The following WDFY1 variants were observed in gnomAD, a reference collection of about 807,000 sequenced individuals.
The protein encoded by WDFY1 is WD repeat and FYVE domain containing 1.
WDFY1 carries 32 observed loss-of-function variants against 56.4 expected under a neutral mutation model. That is an observed-to-expected ratio of 0.57 (90% CI 0.43 to 0.76). WDFY1 has a LOEUF of 0.76. Among genes scored for constraint, WDFY1 ranks in the 30% least tolerant of loss-of-function variants. The pLI, the probability that WDFY1 is intolerant of heterozygous loss-of-function variation, is 0.00. For missense variants in WDFY1, 480 were observed against 545.7 expected (o/e 0.88, Z 1.20); for synonymous variants, 192 against 197.3 (o/e 0.97, Z 0.23).
At chr2:223,926,506 T>C (rs1693981650) in intron 1 of WDFY1, among the ~76,000 whole-genome samples, 1 of 151,980 alleles carries the variant, frequency 6.6e-6, no homozygotes, top group Non-Finnish European at 1.5e-5. Context: ...ATGAGTGTTG[T>C]ATTAGCAGGC....
chr2:223,916,952 T>C (rs1358338733), intron 2 of WDFY1, among the ~76,000 whole-genome samples: 1 of 152,012 alleles, frequency 6.6e-6, no homozygotes, highest in Admixed American at 6.6e-5. Context: ...GTAGCTGGGA[T>C]TACAGGCATG....
intron 8 of WDFY1, among the ~76,000 whole-genome samples, chr2:223,885,866 G>T (rs1426305041): frequency 1.3e-5 from 2 of 152,110 alleles, no homozygotes; most frequent in Non-Finnish European, 2.9e-5. Context: ...CAGGCATCCT[G>T]CAGCTTCACT....
At chr2:223,897,390 A>ATATTTTT (rs1461451983) in intron 6 of WDFY1, among the ~76,000 whole-genome samples, 1 of 125,994 alleles carries the variant, frequency 7.9e-6, no homozygotes, top group Non-Finnish European at 1.6e-5. Context: ...ATATATATAT[A>ATATTTTT]TTTTTTAAGA....
chr2:223,926,278 C>G (rs992435295), intron 1 of WDFY1, among the ~76,000 whole-genome samples: 2 of 152,146 alleles, frequency 1.3e-5, no homozygotes, highest in Non-Finnish European at 2.9e-5. Flanking sequence ...TCCCCAGTAA[C>G]TGGGACTACA....
At chr2:223,927,782 G>C (rs560345281) in intron 1 of WDFY1, among the ~76,000 whole-genome samples, 1 of 152,176 alleles carries the variant, frequency 6.6e-6, no homozygotes, top group Non-Finnish European at 1.5e-5. Flanking sequence ...TCCTCACTAA[G>C]CTTAATCATT....
chr2:223,919,399 T>G (rs1182744874), intron 1 of WDFY1, among the ~76,000 whole-genome samples: 1 of 152,118 alleles, frequency 6.6e-6, no homozygotes, highest in Non-Finnish European at 1.5e-5. Flanking sequence ...TTAGTAGAGA[T>G]GGGGTTTCAT....
chr2:223,939,839 C>G (rs1412787821), intron 1 of WDFY1, among the ~76,000 whole-genome samples: 2 of 152,200 alleles, frequency 1.3e-5, no homozygotes, highest in African/African-American at 4.8e-5. Context: ...CCAAAAATGT[C>G]TCCAGATATT....
intron 1 of WDFY1, among the ~76,000 whole-genome samples, chr2:223,936,078 T>G (rs1215064370): frequency 4.1e-4 from 31 of 75,958 alleles, no homozygotes; most frequent in Admixed American, 5.2e-4. Context: ...TTTTTTTTTT[T>G]GGGGACAGAG....
rs57223015 is a variant in WDFY1 at position 223,942,527 on chromosome 2, C to CTTTTTTTTTT, written c.137+2611_137+2620dup. On this transcript the variant is annotated intron_variant, in intron 1 of 11. Transcript: ENST00000233055. ...GCCACTGCGCCTGGCCAAAGGCTAA[C>CTTTTTTTTTT]TTTTTTTTTTTTTTTTTTTGAGACG... 6.9e-4 allele frequency among the ~76,000 whole-genome samples: 51 copies of CTTTTTTTTTT among 74,232 alleles called. 2 individuals carry two copies. Among genetic ancestry groups the CTTTTTTTTTT allele is most frequent in the African/African-American group, 1.2e-3 (20 of 16,174 alleles). The allele number at this position is 74,232 out of a possible 152,430, so 48.7% of individuals were successfully genotyped here.
chr2:223,928,040 G>C (rs536469731), intron 1 of WDFY1, among the ~76,000 whole-genome samples: 2 of 152,134 alleles, frequency 1.3e-5, no homozygotes, highest in South Asian at 4.1e-4. Flanking sequence ...ATTTAAGTTT[G>C]CCATCTTATG....
chr2:223,917,109 C>T (rs1373133708), intron 2 of WDFY1, among the ~76,000 whole-genome samples: 2 of 151,978 alleles, frequency 1.3e-5, no homozygotes, highest in African/African-American at 2.4e-5. Context: ...CCACCAAGCC[C>T]GGCCTCCAGG....
In WDFY1 at chr2:223,877,764, T is replaced by C. The variant is rs1692994956; in HGVS notation, c.*907A>G. The stretch of plus-strand genomic sequence containing the variant: ...GCCAGAATATTGCAGAGGCTCATCT[T>C]GGAACAAGAAGTAGAATGCTGTTTC... On this transcript the variant is annotated 3_prime_UTR_variant, in exon 12 of 12. Coordinates refer to ENST00000233055, the MANE Select transcript of WDFY1 (RefSeq NM_020830.5). 1 of 152,660 alleles carries C rather than the reference T, an allele frequency of 6.6e-6. No homozygotes were observed. The highest frequency in any genetic ancestry group is 6.5e-5 in the Admixed American group (1 of 15,274). 9.5% of individuals were successfully genotyped at this position (152,660 alleles called of 1,614,324 possible).
At chr2:223,913,135 T>C (rs892095060) in intron 2 of WDFY1, among the ~76,000 whole-genome samples, 2 of 151,206 alleles carry the variant, frequency 1.3e-5, no homozygotes, top group South Asian at 4.2e-4. Context: ...ATCTCAGCAC[T>C]TTGGGAGGCC....
At chr2:223,930,942 T>C (rs1353047147) in intron 1 of WDFY1, among the ~76,000 whole-genome samples, 1 of 152,248 alleles carries the variant, frequency 6.6e-6, no homozygotes, top group Non-Finnish European at 1.5e-5. Flanking sequence ...CCAGAAGCAC[T>C]GCCTAGGTGA....
At position 223,877,130 on chromosome 2, in the gene WDFY1, C is replaced by CT. The variant is rs1032762875; in HGVS notation, c.*1540dup. On this transcript the variant is annotated 3_prime_UTR_variant, in exon 12 of 12. Transcript: ENST00000233055. Reference sequence around the variant, plus strand: ...TCCAGTACATGATGTGCGTGACCCCCTTTCCTTTCCTTACGTGTGTCACAC... The same window carrying CT: ...TCCAGTACATGATGTGCGTGACCCCCTTTTCCTTTCCTTACGTGTGTCACAC... The CT allele has an allele frequency of 6.6e-6, 1 of 152,152 alleles. No homozygotes were observed. The highest frequency in any genetic ancestry group is 2.4e-5 in the African/African-American group (1 of 41,428). 9.4% of individuals were successfully genotyped at this position (152,152 alleles called of 1,614,324 possible). A position where few individuals can be genotyped will look rare whatever the true frequency, so the allele number is the denominator to read the frequency against.
At chr2:223,921,084 AACTTTCTAGGGGAACATCAAGGCT>A (rs1693878031) in intron 1 of WDFY1, among the ~76,000 whole-genome samples, 1 of 152,176 alleles carries the variant, frequency 6.6e-6, no homozygotes, top group Admixed American at 6.5e-5. Flanking sequence ...GAAGAGAGAA[AACTTTCTAGGGGAACATCAAGGCT>A]CCGGGTGTTG....
At chr2:223,894,034 G>T (rs1559164782) in intron 8 of WDFY1, among the ~76,000 whole-genome samples, 200 bp downstream of exon 8, 1 of 152,198 alleles carries the variant, frequency 6.6e-6, no homozygotes, top group African/African-American at 2.4e-5. Context: ...GCATGTCATT[G>T]GTAGAAACTC....
At chr2:223,920,057 C>G (rs1693863468) in intron 1 of WDFY1, among the ~76,000 whole-genome samples, 1 of 152,154 alleles carries the variant, frequency 6.6e-6, no homozygotes, top group South Asian at 2.1e-4. Flanking sequence ...ACCTGAGTCC[C>G]CACGTCCTCA....
In WDFY1 at chr2:223,928,823, C is replaced by G. The variant is rs997970498; in HGVS notation, c.138-10813G>C. On this transcript the variant is annotated intron_variant, in intron 1 of 11. Coordinates refer to ENST00000233055, the MANE Select transcript of WDFY1 (RefSeq NM_020830.5). ...CTTCAAATGAACTTGTGCCTTGGGT[C>G]AGGCTTGGGATTCTGGAGCACCATC... 2.0e-5 allele frequency among the ~76,000 whole-genome samples: 3 copies of G among 152,342 alleles called. No homozygotes were observed. The East Asian group carries it at 5.8e-4, about 29-fold the overall frequency.
Sources: gnomAD v4.1 joint callset for allele counts (sites outside exome capture counted in the v4.1 genomes callset) on GRCh38, gnomAD v4.1.1 for gene constraint, MANE v1.5 for transcripts, NCBI Gene and HGNC (gene_info 2026-07-23, HGNC 2026-07-21) for gene names.